Variants in NEURL4 observed in about 807,000 individuals in gnomAD.
The protein encoded by NEURL4 is neuralized E3 ubiquitin protein ligase 4.
In NEURL4, 45 loss-of-function variants were observed where a neutral mutation model predicts 148.0. That is an observed-to-expected ratio of 0.30 (90% CI 0.24 to 0.39). NEURL4 has a LOEUF of 0.39. NEURL4 is among the 10% of genes least tolerant of loss of function. The pLI is 1.00. For synonymous variants in NEURL4, 854 were observed against 869.0 expected (o/e 0.98, Z 0.30); for missense variants, 1,776 against 2,144.0 (o/e 0.83, Z 3.39).
intron 14 of NEURL4, 140 bp downstream of exon 14, chr17:7,323,345 T>A: frequency 1.0e-6 from 1 of 997,546 alleles, no homozygotes; most frequent in Non-Finnish European, 1.5e-6. Context: ...GGGCAGGACT[T>A]CCCAGAATTC....
rs879371890 is a variant in NEURL4, at chr17:7,329,309, C to T, written c.4G>A (p.Ala2Thr). The change falls in exon 1 of 29, where the codon GCG (alanine) becomes ACG (threonine). Residue 2 changes from alanine to threonine, a missense_variant. Transcript: ENST00000399464. Reference sequence around the variant, plus strand: ...CCCCCACTCCCACCCGACCCTGCCGCCATCTCCGCTGACACCGGGGCAGCG... The same window carrying T: ...CCCCCACTCCCACCCGACCCTGCCGTCATCTCCGCTGACACCGGGGCAGCG... M[A>T]AGSGGSGGSG... is the part of the protein sequence containing the mutation. The T allele has an allele frequency of 3.4e-5, 47 of 1,394,482 alleles. No homozygotes were observed. Among genetic ancestry groups the T allele is most frequent in the Non-Finnish European group, 4.1e-5 (44 of 1,081,032 alleles). 86.4% of individuals were successfully genotyped at this position (1,394,482 alleles called of 1,614,324 possible).
chr17:7,325,161 C>T (rs755096356), intron 8 of NEURL4, 48 bp downstream of exon 8: 19 of 824,664 alleles, frequency 2.3e-5, no homozygotes, highest in Non-Finnish European at 3.7e-5. Context: ...CCCCCCCCCC[C>T]CCATTAGAAT....
Position 7,322,568 on chromosome 17 carries a change from G to A in NEURL4, c.2725+167C>T, listed in dbSNP as rs2073047303. On this transcript the variant is annotated intron_variant, in intron 16 of 28. Coordinates refer to ENST00000399464, the MANE Select transcript of NEURL4 (RefSeq NM_032442.3). The surrounding 1 kb of genome is among the most constrained non-coding windows in gnomAD (Gnocchi z 5.5). ...AGTGTCCAGGCTCTAAGTACCAGGTGTAACCTCCCCCTCACTGGCTGCTTG... is the reference window on the plus strand; with the variant it reads ...AGTGTCCAGGCTCTAAGTACCAGGTATAACCTCCCCCTCACTGGCTGCTTG... Among the ~76,000 whole-genome samples, 1 of 152,156 alleles carries A rather than the reference G, an allele frequency of 6.6e-6. No homozygotes were observed. The highest frequency in any genetic ancestry group is 1.5e-5 in the Non-Finnish European group (1 of 68,016).
At position 7,318,499 on chromosome 17, in the gene NEURL4, T is replaced by C. The variant is rs1185882068; in HGVS notation, c.3860A>G (p.Glu1287Gly). Residue 1287 changes from glutamate to glycine, a missense_variant, in exon 23 of 29, where the codon GAG (glutamate) becomes GGG (glycine). By Grantham distance (98) the Glu-to-Gly change is moderately conservative. Coordinates refer to ENST00000399464, the MANE Select transcript of NEURL4 (RefSeq NM_032442.3). The surrounding 1 kb of genome is among the most constrained non-coding windows in gnomAD (Gnocchi z 4.3). ...HALVDLYGQC[E>G]QVTIVNPEPG... is the part of the protein sequence containing the mutation. ...CCTGCCCCCACTGCCACTAACCTGC[T>C]CACACTGCCCATAGAGGTCCACAAG... The C allele has an allele frequency of 6.2e-7, 1 of 1,606,904 alleles. No homozygotes were observed.
chr17:7,323,697 TCAAA>T lies in NEURL4; in HGVS notation c.2284_2287del (p.Phe762LysfsTer19). 6.2e-7 allele frequency: 1 copy of T among 1,613,894 alleles called. No homozygotes were observed. The highest frequency in any genetic ancestry group is 8.5e-7 in the Non-Finnish European group (1 of 1,179,906). On this transcript the variant is annotated frameshift_variant, in exon 13 of 29. Transcript: ENST00000399464. LOFTEE classifies it high-confidence loss of function. ...GTCCACCATCTTCTGAATGACAATT[TCAAA>T]CAGCTCTCCATCCCGCAGGGCCCTG... is the stretch of plus-strand genomic sequence containing the variant.
In NEURL4 at chr17:7,324,370, C is replaced by T. The variant is rs1188093785; in HGVS notation, c.1899+25G>A. On this transcript the variant is annotated intron_variant, in intron 10 of 28. Coordinates refer to ENST00000399464, the MANE Select transcript of NEURL4 (RefSeq NM_032442.3). The surrounding 1 kb of genome is among the most constrained non-coding windows in gnomAD (Gnocchi z 5.9). Reference sequence around the variant, plus strand: ...GTGTTTGTGATGCCCGCTGCGGCCGCCAGGCGGCGCACCCACTTTCCCACC... The same window carrying T: ...GTGTTTGTGATGCCCGCTGCGGCCGTCAGGCGGCGCACCCACTTTCCCACC... The T allele has an allele frequency of 6.2e-6, 10 of 1,614,074 alleles. No individual in the cohort carries two copies. The highest frequency in any genetic ancestry group is 8.5e-6 in the Non-Finnish European group (10 of 1,179,966).
At position 7,324,114 on chromosome 17, in the gene NEURL4, C is replaced by T. The variant is rs1479197962; in HGVS notation, c.2056G>A (p.Asp686Asn). 12 of 1,612,740 alleles carry T rather than the reference C, an allele frequency of 7.4e-6. No individual in the cohort carries two copies. Among genetic ancestry groups the T allele is most frequent in the East Asian group, 4.5e-5 (2 of 44,884 alleles). ...AGCCCAGCCCGGCCCTCACCCACGT[C>T]GTCCACAATGGTGGCCTGGGCCGCC... Reference protein sequence around the residue: ...GQAAQATIVDDVEVAPVPEPL... With the variant: ...GQAAQATIVDNVEVAPVPEPL... Residue 686 changes from aspartate to asparagine, a missense_variant, in exon 11 of 29, where the codon GAC becomes AAC. Physicochemically the swap from Asp to Asn is conservative, Grantham distance 23. Coordinates refer to ENST00000399464, the MANE Select transcript of NEURL4 (RefSeq NM_032442.3). The surrounding 1 kb of genome is among the most constrained non-coding windows in gnomAD (Gnocchi z 5.9).
Position 7,326,788 on chromosome 17 carries a change from G to A in NEURL4, c.1015C>T (p.Arg339Cys), listed in dbSNP as rs1285073310. 9 of 1,613,204 alleles carry A rather than the reference G, an allele frequency of 5.6e-6. No homozygotes were observed. The highest frequency in any genetic ancestry group is 7.6e-6 in the Non-Finnish European group (9 of 1,179,808). Residue 339 changes from arginine to cysteine, a missense_variant, in exon 4 of 29, where the codon CGC (arginine) becomes TGC (cysteine). Transcript: ENST00000399464. The surrounding 1 kb of genome is among the most constrained non-coding windows in gnomAD (Gnocchi z 6.0). ...KLSNNNKTAE[R>C]RRPLDEFNNG... ...TTGAATTCATCCAGGGGCCGCCGGC[G>A]CTCAGCCGTCTTATTATTGTTGCTG...
Position 7,325,198 on chromosome 17 carries a change from A to G in NEURL4, c.1631+11T>C. The G allele has an allele frequency of 7.8e-7, 1 of 1,275,466 alleles. No homozygotes were observed. Among genetic ancestry groups the G allele is most frequent in the Non-Finnish European group, 1.0e-6 (1 of 978,584 alleles). The allele number at this position is 1,275,466 out of a possible 1,614,324, so 79.0% of individuals were successfully genotyped here. On this transcript the variant is annotated intron_variant, in intron 8 of 28. Transcript: ENST00000399464. ...CCTTCTTCAGGCTTCTCCCCACCCC[A>G]TGGGCCATACTGGGGCCTCAGGGCA...
chr17:7,324,734 C>T lies in NEURL4; in HGVS notation c.1813+65G>A. On this transcript the variant is annotated intron_variant, in intron 9 of 28. Transcript: ENST00000399464. The surrounding 1 kb of genome is among the most constrained non-coding windows in gnomAD (Gnocchi z 5.9). ...TGAAAAAGGAGCTGCAGAACAAGTG[C>T]CAGGGCTTTGGGGATAGCTTCCCCC... The T allele has an allele frequency of 1.9e-6, 3 of 1,549,078 alleles. No homozygotes were observed. Among genetic ancestry groups the T allele is most frequent in the Non-Finnish European group, 2.7e-6 (3 of 1,125,984 alleles).
In NEURL4 at chr17:7,326,961, G is replaced by A. The variant is rs1312320330; in HGVS notation, c.842C>T (p.Ser281Phe). Residue 281 changes from serine to phenylalanine, a missense_variant, in exon 4 of 29, where the codon TCT (serine) becomes TTT (phenylalanine). Ser to Phe is a radical substitution (Grantham distance 155). Transcript: ENST00000399464. The surrounding 1 kb of genome is among the most constrained non-coding windows in gnomAD (Gnocchi z 6.0). ...ATTCAGGAGCCCTCCATTGTAGGCA[G>A]ACAGGATGGTGTTGCTCACCACCTC... ...LSEVVSNTIL[S>F]AYNGGLLNVN... 1 of 1,613,378 alleles carries A rather than the reference G, an allele frequency of 6.2e-7. No individual in the cohort carries two copies. Among genetic ancestry groups the A allele is most frequent in the South Asian group, 1.1e-5 (1 of 91,082 alleles).
chr17:7,317,121 G>A (rs1269339634), intron 28 of NEURL4, 84 bp downstream of exon 28: 11 of 969,770 alleles, frequency 1.1e-5, no homozygotes, highest in South Asian at 5.4e-5. Context: ...AGGGGAGGGC[G>A]AATCATGAAG....
Position 7,327,505 on chromosome 17 carries a change from G to A in NEURL4, c.662C>T (p.Pro221Leu), listed in dbSNP as rs1199454273. Residue 221 changes from proline (P) to leucine (L), a missense_variant, in exon 2 of 29, where the codon CCC (proline) becomes CTC (leucine). By Grantham distance (98) the Pro-to-Leu change is moderately conservative. Transcript: ENST00000399464. This position sits in a 1 kb window ranked among gnomAD's most constrained non-coding sequence, Gnocchi z 6.6. ...TTCAGTGGGGGCCAAGGGCTCGAGG[G>A]GAGGTGTGGGGATGGGAGTAGGGGG... is the stretch of plus-strand genomic sequence containing the variant. ...FSPPTPIPTPPLEPLAPTEDS... is the reference protein window; with the variant it reads ...FSPPTPIPTPLLEPLAPTEDS... 2 of 1,594,968 alleles carry A rather than the reference G, an allele frequency of 1.3e-6. No individual in the cohort carries two copies. Among genetic ancestry groups the A allele is most frequent in the African/African-American group, 2.7e-5 (2 of 74,734 alleles).
chr17:7,323,930 A>G lies in NEURL4; in HGVS notation c.2145T>C (p.Ser715=), dbSNP rs2073065292. 2 of 1,613,646 alleles carry G rather than the reference A, an allele frequency of 1.2e-6. No individual in the cohort carries two copies. The highest frequency in any genetic ancestry group is 2.7e-5 in the African/African-American group (2 of 75,070). ...CGTGCAGCTGATGGAAGCGCAGGTC[A>G]GAGCCCCCGGCCCCTGAGGACGGAG... The part of the protein sequence containing the change: ...PSSPSSGAGG[S]DLRFHQLHGS... Residue 715 remains serine, a synonymous_variant, in exon 12 of 29, where the codon TCT becomes TCC. Transcript: ENST00000399464.
In NEURL4 at chr17:7,329,303, C is replaced by T; in HGVS notation, c.10G>A (p.Gly4Arg). 5 of 1,400,380 alleles carry T rather than the reference C, an allele frequency of 3.6e-6. No individual in the cohort carries two copies. The highest frequency in any genetic ancestry group is 4.6e-6 in the Non-Finnish European group (5 of 1,084,168). 86.7% of individuals were successfully genotyped at this position (1,400,380 alleles called of 1,614,324 possible). A position where few individuals can be genotyped will look rare whatever the true frequency, so the allele number is the denominator to read the frequency against. Residue 4 changes from glycine (G) to arginine (R), a missense_variant, in exon 1 of 29, where the codon GGG (glycine) becomes AGG (arginine). Transcript: ENST00000399464. ...CCAGAGCCCCCACTCCCACCCGACC[C>T]TGCCGCCATCTCCGCTGACACCGGG... The part of the protein sequence containing the change: MAA[G>R]SGGSGGSGGG...
At position 7,318,103 on chromosome 17, in the gene NEURL4, G is replaced by T; in HGVS notation, c.4022C>A (p.Ala1341Asp). 6.2e-7 allele frequency: 1 copy of T among 1,614,182 alleles called. No homozygotes were observed. Among genetic ancestry groups the T allele is most frequent in the Non-Finnish European group, 8.5e-7 (1 of 1,180,030 alleles). Residue 1341 changes from alanine to aspartate, a missense_variant, in exon 25 of 29, where the codon GCC (alanine) becomes GAC (aspartate). Physicochemically the swap from Ala to Asp is moderately radical, Grantham distance 126 (BLOSUM62 -2). Coordinates refer to ENST00000399464, the MANE Select transcript of NEURL4 (RefSeq NM_032442.3). The surrounding 1 kb of genome is among the most constrained non-coding windows in gnomAD (Gnocchi z 4.3). The part of the protein sequence containing the change: ...ASPLKSCEYH[A>D]LCSRFQELLL... ...GAGTTCTTGGAAGCGAGAGCAAAGG[G>T]CATGGTACTCGCAGCTCTTTAGAGG... is the stretch of plus-strand genomic sequence containing the variant.
In NEURL4 at chr17:7,323,984, A is replaced by G. The variant is rs772454498; in HGVS notation, c.2091T>C (p.Pro697=). The change falls in exon 12 of 29, where the codon CCT becomes CCC. Residue 697 remains proline (P), a synonymous_variant. Transcript: ENST00000399464. ...VEVAPVPEPL[P]EGNNQVSPSS... ...TTGGAGACACCTGGTTGTTCCCCTC[A>G]GGGAGTGGTTCAGGAACTGGAGCCA... 80 of 1,611,096 alleles carry G rather than the reference A, an allele frequency of 5.0e-5. No homozygotes were observed. The highest frequency in any genetic ancestry group is 1.0e-4 in the Admixed American group (6 of 60,000).
rs757627520 is a variant in NEURL4, at chr17:7,319,059, G to A, written c.3675C>T (p.Asn1225=). Reference sequence around the variant, plus strand: ...TCTGGCTCCTACTCACCTTGAGACCGTTGTGGAAGACCCCACGGCCCCGCA... The same window carrying A: ...TCTGGCTCCTACTCACCTTGAGACCATTGTGGAAGACCCCACGGCCCCGCA... The part of the protein sequence containing the change: ...WLLRGRGVFH[N]GLKICEKFGP... Residue 1225 remains asparagine, a synonymous_variant, in exon 22 of 29, where the codon AAC becomes AAT. Coordinates refer to ENST00000399464, the MANE Select transcript of NEURL4 (RefSeq NM_032442.3). The A allele has an allele frequency of 5.0e-6, 8 of 1,611,878 alleles. No individual in the cohort carries two copies. Among genetic ancestry groups the A allele is most frequent in the Admixed American group, 1.7e-5 (1 of 59,652 alleles).
intron 28 of NEURL4, among the ~76,000 whole-genome samples, chr17:7,316,579 G>A (rs8072397): frequency 1.3e-5 from 2 of 152,136 alleles, no homozygotes; most frequent in African/African-American, 4.8e-5. Flanking sequence ...CCGCACTGCT[G>A]TCTCCGCCCC....
Sources: allele counts gnomAD v4.1 joint callset (sites outside exome capture counted in the v4.1 genomes callset), GRCh38; gene constraint gnomAD v4.1.1; non-coding constraint Gnocchi (gnomAD v3.1); transcripts MANE v1.5; gene names NCBI Gene and HGNC (gene_info 2026-07-23, HGNC 2026-07-21).